Variants in FBN1 observed in about 807,000 individuals in gnomAD.
FBN1 encodes the protein fibrillin 1.
A neutral mutation model predicts 365.1 loss-of-function variants in FBN1; 29 were observed. The observed-to-expected ratio is 0.08, with a 90% CI of 0.06 to 0.11. The LOEUF is 0.11. FBN1 is among the 10% of genes least tolerant of loss of function. The pLI, the probability that FBN1 is intolerant of heterozygous loss-of-function variation, is 1.00. For synonymous variants in FBN1, 1,210 were observed against 1,270.5 expected, an observed-to-expected ratio of 0.95 and a Z score of 1.01; for missense variants, 2,476 against 3,703.2, an observed-to-expected ratio of 0.67 and a Z score of 8.60.
Position 48,495,605 on chromosome 15 carries a change from T to C in FBN1, c.2420-17A>G. The C allele has an allele frequency of 6.2e-7, 1 of 1,614,014 alleles. No homozygotes were observed. The highest frequency in any genetic ancestry group is 8.5e-7 in the Non-Finnish European group (1 of 1,179,978). ...CATCAATGTCTGAAACAAAAACAGG[T>C]CTACATTACTGCTAAAATCTAGTCT... On this transcript the variant is annotated splice_polypyrimidine_tract_variant and intron_variant, in intron 20 of 65. Coordinates refer to ENST00000316623, the MANE Select transcript of FBN1 (RefSeq NM_000138.5).
intron 55 of FBN1, 150 bp downstream of exon 55, chr15:48,432,716 G>A: frequency 4.2e-6 from 4 of 958,384 alleles, no homozygotes; most frequent in Admixed American, 1.9e-5. Context: ...TACAATTTAG[G>A]GGGAAACGTG....
chr15:48,472,699 G>A (rs757965678), intron 34 of FBN1, 23 bp from the exon 35 acceptor site: 13 of 1,613,956 alleles, frequency 8.1e-6, no homozygotes, highest in Admixed American at 5.0e-5. Flanking sequence ...AGAAACACAC[G>A]TTACTCTTCC....
At chr15:48,465,319 G>T (rs568874333) in intron 40 of FBN1, among the ~76,000 whole-genome samples, 17 of 152,298 alleles carry the variant, frequency 1.1e-4, no homozygotes, top group Non-Finnish European at 1.5e-4. Context: ...CATAAATGAG[G>T]CTATGGTCCA....
At chr15:48,610,019 C>T (rs2140732845) in intron 4 of FBN1, among the ~76,000 whole-genome samples, 1 of 152,184 alleles carries the variant, frequency 6.6e-6, no homozygotes, top group East Asian at 1.9e-4. Context: ...CAAAAAGAAA[C>T]GGAAAAGGGA....
chr15:48,415,918 C>T (rs1045834237), intron 63 of FBN1, 151 bp from the exon 64 acceptor site: 1 of 708,120 alleles, frequency 1.4e-6, no homozygotes, highest in Non-Finnish European at 2.6e-6. Context: ...GGGAGAGCAA[C>T]AGCAGAGAAA....
chr15:48,482,761 C>T (rs2043475028), intron 31 of FBN1, among the ~76,000 whole-genome samples: 1 of 152,148 alleles, frequency 6.6e-6, no homozygotes. Flanking sequence ...ACAAACTACT[C>T]AAGGCTGGGG....
intron 30 of FBN1, among the ~76,000 whole-genome samples, chr15:48,484,405 C>G (rs2043489426): frequency 6.6e-6 from 1 of 150,890 alleles, no homozygotes; most frequent in South Asian, 2.1e-4. Context: ...CAGAGTCTCA[C>G]TCTGTCACCA....
At chr15:48,623,768 C>T (rs1889815282) in intron 2 of FBN1, among the ~76,000 whole-genome samples, 1 of 152,182 alleles carries the variant, frequency 6.6e-6, no homozygotes, top group Non-Finnish European at 1.5e-5. Context: ...ACTCACAGCA[C>T]AAGCAGCACA....
chr15:48,450,805 A>G (rs2043195501), intron 45 of FBN1, among the ~76,000 whole-genome samples: 1 of 152,206 alleles, frequency 6.6e-6, no homozygotes, highest in African/African-American at 2.4e-5. Context: ...TGATGGAGAG[A>G]AAGTTTTAGT....
intron 6 of FBN1, among the ~76,000 whole-genome samples, chr15:48,565,542 A>T (rs1265414731): frequency 6.6e-6 from 1 of 152,112 alleles, no homozygotes. Flanking sequence ...CTAAATGAAT[A>T]AAAGGAAACC....
At chr15:48,504,022 T>C in intron 16 of FBN1, 83 bp from the exon 17 acceptor site, 15 of 1,520,286 alleles carry the variant, frequency 9.9e-6, no homozygotes, top group Non-Finnish European at 3.6e-6. Flanking sequence ...GAGGGCTTTA[T>C]TTATCCATCA....
At chr15:48,575,142 T>G (rs1259492044) in intron 6 of FBN1, among the ~76,000 whole-genome samples, 3 of 152,208 alleles carry the variant, frequency 2.0e-5, no homozygotes, top group Non-Finnish European at 4.4e-5. Context: ...CTTTCAGAGA[T>G]GGCCCCTGCC....
chr15:48,421,604 T>C lies in FBN1; in HGVS notation c.7653A>G (p.Glu2551=), dbSNP rs1597513334. 6 of 1,613,912 alleles carry C rather than the reference T, an allele frequency of 3.7e-6. No homozygotes were observed. The highest frequency in any genetic ancestry group is 5.1e-6 in the Non-Finnish European group (6 of 1,179,990). Residue 2551 remains glutamate, a synonymous_variant, in exon 62 of 66, where the codon GAA becomes GAG. Coordinates refer to ENST00000316623, the MANE Select transcript of FBN1 (RefSeq NM_000138.5). ...CQNTPGSFTC[E]CQRGFSLDQT... ...GATCAAGTGAGAATCCCCGCTGGCA[T>C]TCACAGGTGAAGCTTCCAGGAGTGT...
chr15:48,644,960 A>G lies in FBN1; in HGVS notation c.-181-10T>C. On this transcript the variant is annotated splice_polypyrimidine_tract_variant and intron_variant, in intron 1 of 65. Coordinates refer to ENST00000316623, the MANE Select transcript of FBN1 (RefSeq NM_000138.5). ...AGGCGGCCCCTGCCAGCTGCAACAC[A>G]GAGACAAATCCCCGAGGCGGGGAGA... is the stretch of plus-strand genomic sequence containing the variant. 2.4e-6 allele frequency: 1 copy of G among 419,272 alleles called. No homozygotes were observed. Among genetic ancestry groups the G allele is most frequent in the Non-Finnish European group, 3.9e-6 (1 of 255,680 alleles). 26.0% of individuals were successfully genotyped at this position (419,272 alleles called of 1,614,324 possible). A position where few individuals can be genotyped will look rare whatever the true frequency, so the allele number is the denominator to read the frequency against.
chr15:48,599,146 C>T (rs1053665437), intron 5 of FBN1, among the ~76,000 whole-genome samples: 3 of 152,160 alleles, frequency 2.0e-5, no homozygotes, highest in Non-Finnish European at 2.9e-5. Context: ...CAGACTAACA[C>T]AGATGGTCAC....
chr15:48,412,468 G>T, intron 65 of FBN1, 101 bp downstream of exon 65: 1 of 1,222,062 alleles, frequency 8.2e-7, no homozygotes, highest in Non-Finnish European at 1.2e-6. Context: ...TTCTCCCTGG[G>T]GAGCTTTTTC....
chr15:48,610,126 C>T (rs570057923), intron 4 of FBN1, among the ~76,000 whole-genome samples: 8 of 152,180 alleles, frequency 5.3e-5, no homozygotes, highest in African/African-American at 1.9e-4. Context: ...GACTCACTTG[C>T]CCAAACCCCC....
intron 56 of FBN1, among the ~76,000 whole-genome samples, chr15:48,430,177 G>A (rs2043013426): frequency 6.6e-6 from 1 of 152,184 alleles, no homozygotes; most frequent in South Asian, 2.1e-4. Flanking sequence ...CCTCAATGTT[G>A]GATCCCTATT....
intron 2 of FBN1, among the ~76,000 whole-genome samples, chr15:48,614,246 A>G (rs573965180): frequency 5.9e-5 from 9 of 152,338 alleles, no homozygotes; most frequent in Admixed American, 5.2e-4. Flanking sequence ...GGAAGGTCAA[A>G]TGTTTTGCAA....
Sources: gnomAD v4.1 joint callset for allele counts (sites outside exome capture counted in the v4.1 genomes callset) on GRCh38, gnomAD v4.1.1 for gene constraint, MANE v1.5 for transcripts, NCBI Gene and HGNC (gene_info 2026-07-23, HGNC 2026-07-21) for gene names.